Variants in CCDC149 observed in about 807,000 individuals in gnomAD.
CCDC149 encodes the protein coiled-coil domain containing 149.
Under a neutral mutation model 59.9 loss-of-function variants are expected in CCDC149, and 45 were observed. The ratio of observed to expected loss-of-function variants is 0.75; its 90% CI spans 0.59 to 0.96. The LOEUF is 0.96. Ranked by LOEUF, CCDC149 falls within the 40% of genes least tolerant of loss-of-function variation. The probability of loss-of-function intolerance (pLI) is 0.00; values close to 1 mark genes in which losing one functional copy is unlikely to be tolerated. For synonymous variants in CCDC149, 245 were observed against 260.6 expected (o/e 0.94, Z 0.58); for missense variants, 584 against 664.7 (o/e 0.88, Z 1.33).
At chr4:24,876,404 C>T in intron 2 of CCDC149, 132 bp downstream of exon 2, 2 of 917,622 alleles carry the variant, frequency 2.2e-6, no homozygotes, top group East Asian at 2.7e-5. Flanking sequence ...GAGGTGGTGA[C>T]TTTTACTTCT....
chr4:24,939,112 A>G (rs2109347020), intron 1 of CCDC149, among the ~76,000 whole-genome samples: 1 of 152,240 alleles, frequency 6.6e-6, no homozygotes, highest in South Asian at 2.1e-4. Flanking sequence ...TGGGTCCCTG[A>G]CCCCTGAGTA....
intron 1 of CCDC149, among the ~76,000 whole-genome samples, chr4:24,949,740 C>T (rs904879999): frequency 6.6e-6 from 1 of 152,188 alleles, no homozygotes; most frequent in Non-Finnish European, 1.5e-5. Flanking sequence ...CTCTGTCAAC[C>T]TGAGAGAAAA....
chr4:24,924,633 C>T (rs1221554690), intron 1 of CCDC149, among the ~76,000 whole-genome samples: 8 of 152,216 alleles, frequency 5.3e-5, no homozygotes, highest in Admixed American at 5.2e-4. Context: ...TTCCTCATAG[C>T]ACAGCTGCTT....
intron 1 of CCDC149, chr4:24,895,085 C>A: frequency 7.6e-7 from 1 of 1,307,270 alleles, no homozygotes; most frequent in Non-Finnish European, 1.1e-6. Context: ...AATGACGTGG[C>A]AACTATCCAC....
At chr4:24,894,974 G>T in intron 1 of CCDC149, 3 of 1,536,104 alleles carry the variant, frequency 2.0e-6, no homozygotes, top group Non-Finnish European at 2.6e-6. Flanking sequence ...GTCCCATGCA[G>T]GCATGGTTTG....
chr4:24,949,439 G>A (rs1316569288), intron 1 of CCDC149, among the ~76,000 whole-genome samples: 1 of 151,420 alleles, frequency 6.6e-6, no homozygotes, highest in African/African-American at 2.4e-5. Flanking sequence ...GTGGTGGCAG[G>A]GAGGGGGGGT....
chr4:24,955,996 T>C (rs1217682879), intron 1 of CCDC149, among the ~76,000 whole-genome samples: 1 of 152,186 alleles, frequency 6.6e-6, no homozygotes, highest in Non-Finnish European at 1.5e-5. Context: ...AATCTTTGCT[T>C]GAATCTTCAT....
intron 12 of CCDC149, among the ~76,000 whole-genome samples, chr4:24,815,771 A>C (rs1030201980): frequency 1.3e-5 from 2 of 152,104 alleles, no homozygotes; most frequent in African/African-American, 4.8e-5. Context: ...CTCATGTCCA[A>C]AGGTATGAGT....
rs192450645 is a variant in CCDC149, at chr4:24,834,277, C to T, written c.820+671G>A. Among the ~76,000 whole-genome samples the T allele has an allele frequency of 9.6e-4, 146 of 152,112 alleles. 1 individual carries two copies. The highest frequency in any genetic ancestry group is 9.6e-3 in the Admixed American group (146 of 15,268). ...AAAAAGTGGGCCAGCTGAGCATATT[C>T]GACTCGAGACTTATGTTTAGCATTG... is the stretch of plus-strand genomic sequence containing the variant. On this transcript the variant is annotated intron_variant, in intron 8 of 12. Coordinates refer to ENST00000635206, the MANE Select transcript of CCDC149 (RefSeq NM_001330643.2).
intron 1 of CCDC149, among the ~76,000 whole-genome samples, chr4:24,892,060 G>A (rs565094634): frequency 6.6e-5 from 10 of 152,216 alleles, no homozygotes; most frequent in Non-Finnish European, 8.8e-5. Flanking sequence ...AAATAGTAGC[G>A]TCAAAATGGA....
chr4:24,879,862 T>C (rs991768122), intron 1 of CCDC149, among the ~76,000 whole-genome samples: 10 of 152,128 alleles, frequency 6.6e-5, no homozygotes, highest in African/African-American at 2.4e-4. Context: ...ATCCAGCCCA[T>C]ACTTTAAAAA....
At chr4:24,882,109 T>C (rs1343440245) in intron 1 of CCDC149, among the ~76,000 whole-genome samples, 3 of 152,140 alleles carry the variant, frequency 2.0e-5, no homozygotes, top group African/African-American at 4.8e-5. Flanking sequence ...CTAGAACAAA[T>C]AGTAATAAAG....
chr4:24,933,375 T>TA (rs1041417662), intron 1 of CCDC149, among the ~76,000 whole-genome samples: 76 of 152,232 alleles, frequency 5.0e-4, no homozygotes, highest in Middle Eastern at 6.8e-3. Context: ...TTTCTGGATT[T>TA]AAAAAAACAA....
intron 1 of CCDC149, among the ~76,000 whole-genome samples, chr4:24,891,168 T>C (rs1204590456): frequency 6.6e-6 from 1 of 152,236 alleles, no homozygotes; most frequent in African/African-American, 2.4e-5. Context: ...AAACTATCCT[T>C]AACAAGAACT....
chr4:24,947,503 A>G (rs61793807), intron 1 of CCDC149, among the ~76,000 whole-genome samples: 12 of 152,302 alleles, frequency 7.9e-5, no homozygotes, highest in Non-Finnish European at 1.6e-4. Flanking sequence ...TTGCAGTGTG[A>G]GAACGGACTA....
chr4:24,823,626 A>G (rs1382350695), intron 9 of CCDC149, among the ~76,000 whole-genome samples: 1 of 152,230 alleles, frequency 6.6e-6, no homozygotes, highest in African/African-American at 2.4e-5. Flanking sequence ...TATTCCAGAG[A>G]TAGCTACACA....
intron 1 of CCDC149, 80 bp from the exon 2 acceptor site, chr4:24,876,777 C>G: frequency 1.4e-6 from 2 of 1,393,894 alleles, no homozygotes. Context: ...TTCACACACC[C>G]TGTGGGGAAT....
chr4:24,850,786 C>T (rs1276219556), intron 4 of CCDC149, among the ~76,000 whole-genome samples: 2 of 152,076 alleles, frequency 1.3e-5, no homozygotes, highest in African/African-American at 2.4e-5. Context: ...TACCTGGGAA[C>T]GGGGGCTTCT....
intron 3 of CCDC149, among the ~76,000 whole-genome samples, chr4:24,870,043 G>A (rs1198630052): frequency 6.6e-6 from 1 of 152,250 alleles, no homozygotes; most frequent in Non-Finnish European, 1.5e-5. Context: ...GACACAGAAG[G>A]AAGCTGATAC....
Sources: allele counts gnomAD v4.1 joint callset (sites outside exome capture counted in the v4.1 genomes callset), GRCh38; gene constraint gnomAD v4.1.1; transcripts MANE v1.5; gene names NCBI Gene and HGNC (gene_info 2026-07-23, HGNC 2026-07-21).